CNTNAP2: variants seen among roughly 807,000 people sequenced by gnomAD.
The protein encoded by CNTNAP2 is contactin-associated protein-like 2.
Under a neutral mutation model 155.2 loss-of-function variants are expected in CNTNAP2, and 98 were observed. The observed-to-expected ratio is 0.63, with a 90% CI of 0.54 to 0.75. CNTNAP2 has a LOEUF of 0.75. CNTNAP2 is among the 30% of genes least tolerant of loss of function. CNTNAP2 has a pLI of 0.00. For synonymous variants in CNTNAP2, 651 were observed against 631.2 expected (o/e 1.03, Z -0.47); for missense variants, 1,727 against 1,688.1 (o/e 1.02, Z -0.40).
intron 18 of CNTNAP2, among the ~76,000 whole-genome samples, chr7:148,178,404 G>T (rs1002692291): frequency 2.1e-4 from 32 of 152,314 alleles, no homozygotes; most frequent in African/African-American, 7.5e-4. Flanking sequence ...GAGTGACCAA[G>T]ATTTGAATAG....
intron 3 of CNTNAP2, among the ~76,000 whole-genome samples, chr7:146,958,354 AT>A (rs1265766251): frequency 1.3e-5 from 2 of 149,780 alleles, no homozygotes; most frequent in African/African-American, 2.5e-5. Flanking sequence ...CGCATCTAAA[AT>A]TTTTTTTAAA....
At chr7:146,836,119 T>C (rs1213556763) in intron 2 of CNTNAP2, among the ~76,000 whole-genome samples, 2 of 152,194 alleles carry the variant, frequency 1.3e-5, no homozygotes, top group African/African-American at 2.4e-5. Context: ...GTTACATCGT[T>C]TGCACATATA....
intron 10 of CNTNAP2, among the ~76,000 whole-genome samples, chr7:147,418,235 GT>G (rs1340988877): frequency 1.3e-5 from 2 of 152,122 alleles, no homozygotes; most frequent in East Asian, 1.9e-4. Context: ...ATTTCTGGTG[GT>G]TTTTGTTGTT....
At chr7:146,764,190 A>G (rs932812619) in intron 1 of CNTNAP2, among the ~76,000 whole-genome samples, 2 of 152,124 alleles carry the variant, frequency 1.3e-5, no homozygotes, top group African/African-American at 4.8e-5. Context: ...ACTCAAGTTC[A>G]TTTAGTCATA....
chr7:148,276,136 C>G (rs765181139), intron 21 of CNTNAP2, among the ~76,000 whole-genome samples: 1 of 152,168 alleles, frequency 6.6e-6, no homozygotes, highest in East Asian at 1.9e-4. Flanking sequence ...GACAAGAGTA[C>G]ATTATTAGCA....
At chr7:147,360,448 G>T (rs1796129245) in intron 9 of CNTNAP2, among the ~76,000 whole-genome samples, 1 of 151,996 alleles carries the variant, frequency 6.6e-6, no homozygotes, top group African/African-American at 2.4e-5. Context: ...GACCATACCA[G>T]TCCCTATCTT....
At chr7:148,238,428 A>T (rs1796085973) in intron 20 of CNTNAP2, among the ~76,000 whole-genome samples, 1 of 152,074 alleles carries the variant, frequency 6.6e-6, no homozygotes. Flanking sequence ...AGCTAACCAG[A>T]CCCCGTTTCC....
At chr7:146,693,622 T>G (rs1262466567) in intron 1 of CNTNAP2, among the ~76,000 whole-genome samples, 1 of 152,124 alleles carries the variant, frequency 6.6e-6, no homozygotes, top group Non-Finnish European at 1.5e-5. Context: ...GGGTTCTGTT[T>G]CCTCATCTAT....
chr7:146,533,736 A>G (rs948641792), intron 1 of CNTNAP2, among the ~76,000 whole-genome samples: 4 of 151,982 alleles, frequency 2.6e-5, no homozygotes, highest in Non-Finnish European at 4.4e-5. Flanking sequence ...TCTGGATCCC[A>G]TTGCTGTTAT....
At chr7:146,225,373 A>C (rs1799277482) in intron 1 of CNTNAP2, among the ~76,000 whole-genome samples, 1 of 152,200 alleles carries the variant, frequency 6.6e-6, no homozygotes, top group African/African-American at 2.4e-5. Context: ...TGACAGGTGA[A>C]GTTATTTTAC....
At chr7:147,947,288 A>G (rs1307117305) in intron 14 of CNTNAP2, among the ~76,000 whole-genome samples, 1 of 151,996 alleles carries the variant, frequency 6.6e-6, no homozygotes, top group East Asian at 1.9e-4. Context: ...TCTTAAGACA[A>G]TTGCATTTCC....
chr7:148,153,240 G>GAAAAAAAAAA (rs3056237), intron 17 of CNTNAP2, among the ~76,000 whole-genome samples: 1 of 130,204 alleles, frequency 7.7e-6, no homozygotes. Context: ...CAAAGTAACC[G>GAAAAAAAAAA]AAAAAAAAAA....
chr7:146,701,132 C>A (rs1800870725), intron 1 of CNTNAP2, among the ~76,000 whole-genome samples: 1 of 151,964 alleles, frequency 6.6e-6, no homozygotes, highest in Non-Finnish European at 1.5e-5. Flanking sequence ...TAAATAAAAC[C>A]AACTGCTTAT....
chr7:147,741,312 A>G (rs555538958), intron 13 of CNTNAP2, among the ~76,000 whole-genome samples: 1 of 152,336 alleles, frequency 6.6e-6, no homozygotes, highest in Non-Finnish European at 1.5e-5. Context: ...ACAAAGGGCA[A>G]TGTCACCAGG....
chr7:147,069,484 A>G (rs973662976), intron 4 of CNTNAP2, among the ~76,000 whole-genome samples: 5 of 152,184 alleles, frequency 3.3e-5, no homozygotes, highest in African/African-American at 1.2e-4. Context: ...TGTCTTCCAC[A>G]TATTCTCCAA....
chr7:147,713,575 G>A lies in CNTNAP2; in HGVS notation c.2098+74269G>A, dbSNP rs543892419. On this transcript the variant is annotated intron_variant, in intron 13 of 23. Coordinates refer to ENST00000361727, the MANE Select transcript of CNTNAP2 (RefSeq NM_014141.6). ...GGAGAACGTTTGGGTAATTTCCAAT[G>A]TGGGACCATAAAGCCACTATAAACA... is the stretch of plus-strand genomic sequence containing the variant. Among the ~76,000 whole-genome samples, 35 of 152,292 alleles carry A rather than the reference G, an allele frequency of 2.3e-4. No homozygotes were observed. The South Asian group carries it at 6.6e-3, about 29-fold the overall frequency.
intron 13 of CNTNAP2, among the ~76,000 whole-genome samples, chr7:147,817,397 G>T (rs887619028): frequency 6.6e-6 from 1 of 152,142 alleles, no homozygotes; most frequent in Non-Finnish European, 1.5e-5. Flanking sequence ...GACAATGTTT[G>T]TGCTTTTAGA....
chr7:148,202,614 G>C (rs1329043790), intron 18 of CNTNAP2, among the ~76,000 whole-genome samples: 1 of 152,186 alleles, frequency 6.6e-6, no homozygotes, highest in Non-Finnish European at 1.5e-5. Context: ...AGGGGAAAAA[G>C]CTGCTGATAC....
intron 9 of CNTNAP2, among the ~76,000 whole-genome samples, chr7:147,345,898 A>C (rs1465590099): frequency 6.6e-6 from 1 of 152,192 alleles, no homozygotes. Flanking sequence ...ACCCTCAAAG[A>C]GATGGCAATT....
Sources: allele counts gnomAD v4.1 joint callset (sites outside exome capture counted in the v4.1 genomes callset), GRCh38; gene constraint gnomAD v4.1.1; transcripts MANE v1.5; gene names NCBI Gene and HGNC (gene_info 2026-07-23, HGNC 2026-07-21).